The following DPP6 variants were observed in gnomAD, a reference collection of about 807,000 sequenced individuals.
DPP6 encodes the protein dipeptidyl peptidase like 6.
Under a neutral mutation model 122.6 loss-of-function variants are expected in DPP6, and 69 were observed. That is an observed-to-expected ratio of 0.56 (90% CI 0.46 to 0.69). The LOEUF is 0.69. Ranked by LOEUF, DPP6 falls within the 30% of genes least tolerant of loss-of-function variation. The pLI, the probability that DPP6 is intolerant of heterozygous loss-of-function variation, is 0.00. For synonymous variants in DPP6, 418 were observed against 433.1 expected (o/e 0.97, Z 0.43); for missense variants, 928 against 1,116.9 (o/e 0.83, Z 2.41).
Position 154,481,714 on chromosome 7 carries a change from C to T in DPP6, c.457+6677C>T, listed in dbSNP as rs995612808. Among the ~76,000 whole-genome samples, 3 of 152,162 alleles carry T rather than the reference C, an allele frequency of 2.0e-5. No homozygotes were observed. The highest frequency in any genetic ancestry group is 1.3e-4 in the Admixed American group (2 of 15,262). On this transcript the variant is annotated intron_variant, in intron 3 of 25. Coordinates refer to ENST00000377770, the MANE Select transcript of DPP6 (RefSeq NM_130797.4). The surrounding 1 kb of genome is among the most constrained non-coding windows in gnomAD (Gnocchi z 4.2). ...TCCTTCTGTCCAGCCCACTCGCTCTCCTCTCCGCGTCCACTTGTGATCACT... is the reference window on the plus strand; with the variant it reads ...TCCTTCTGTCCAGCCCACTCGCTCTTCTCTCCGCGTCCACTTGTGATCACT...
At chr7:154,122,299 G>A (rs1359067387) in intron 1 of DPP6, among the ~76,000 whole-genome samples, 2 of 152,186 alleles carry the variant, frequency 1.3e-5, no homozygotes, top group Non-Finnish European at 2.9e-5. Flanking sequence ...GGCGGCAGTG[G>A]TGACGTGGAA....
chr7:153,879,164 C>T, the DPP6 span, among the ~76,000 whole-genome samples: 2 of 151,930 alleles, frequency 1.3e-5, no homozygotes, highest in Non-Finnish European at 2.9e-5. Flanking sequence ...GATGAATGCA[C>T]TGGAGAAGGG....
chr7:154,201,191 G>A (rs1394506267), intron 1 of DPP6, among the ~76,000 whole-genome samples: 3 of 150,898 alleles, frequency 2.0e-5, no homozygotes, highest in Admixed American at 1.3e-4. Context: ...GCAGTGGTGC[G>A]ATCTCGGCTA....
chr7:154,061,189 G>A (rs1414440619), intron 1 of DPP6, among the ~76,000 whole-genome samples: 3 of 149,118 alleles, frequency 2.0e-5, no homozygotes, highest in Admixed American at 6.6e-5. Context: ...ATCCCAAACT[G>A]CAGTATTAGC....
In DPP6 at chr7:154,127,703, G is replaced by A. The variant is rs114792058; in HGVS notation, c.243+74640G>A. ...AAACAGCTCTTTCTGAGGTTGGGAA[G>A]GAATCATTCTTTCCAATGGCATCGT... On this transcript the variant is annotated intron_variant, in intron 1 of 25. Transcript: ENST00000377770. Among the ~76,000 whole-genome samples the A allele has an allele frequency of 3.8e-3, 569 of 150,584 alleles. 8 individuals carry two copies. The highest frequency in any genetic ancestry group is 0.013 in the African/African-American group (524 of 40,540).
rs1026499346 is a variant in DPP6 at position 154,504,038 on chromosome 7, G to T, written c.457+29001G>T. On this transcript the variant is annotated intron_variant, in intron 3 of 25. Transcript: ENST00000377770. ...GTATCCTTTTAGCTGAATGATCCCTGCTTGCTAACATTGATGAATTTAGAA... is the reference window on the plus strand; with the variant it reads ...GTATCCTTTTAGCTGAATGATCCCTTCTTGCTAACATTGATGAATTTAGAA... Among the ~76,000 whole-genome samples, 3 of 152,306 alleles carry T rather than the reference G, an allele frequency of 2.0e-5. No individual in the cohort carries two copies. The East Asian group carries it at 5.8e-4, about 29-fold the overall frequency.
chr7:154,794,233 C>A (rs1797868948), intron 11 of DPP6, 31 bp downstream of exon 11: 5 of 1,576,250 alleles, frequency 3.2e-6, no homozygotes, highest in Non-Finnish European at 4.3e-6. Context: ...GGAGGGGAGA[C>A]GGGTGAAGAA....
intron 1 of DPP6, among the ~76,000 whole-genome samples, chr7:153,925,297 C>G (rs2215195): frequency 0.58 from 88,298 of 151,054 alleles, 26,555 homozygotes; most frequent in African/African-American, 0.73. Flanking sequence ...GGAGATCATC[C>G]CGCATGGTGG....
At chr7:154,277,962 ATCAG>A (rs1804248351) in intron 1 of DPP6, among the ~76,000 whole-genome samples, 11 of 152,194 alleles carry the variant, frequency 7.2e-5, no homozygotes, top group African/African-American at 2.4e-5. Context: ...ATGCTGAATA[ATCAG>A]GCAGGTGCAC....
intron 1 of DPP6, among the ~76,000 whole-genome samples, chr7:154,029,022 G>A (rs1040068892): frequency 9.4e-5 from 14 of 149,224 alleles, no homozygotes; most frequent in Non-Finnish European, 1.6e-4. Flanking sequence ...TCCTGCAGGT[G>A]CCTCTGAGAG....
At chr7:154,642,745 A>G (rs11243346) in intron 6 of DPP6, among the ~76,000 whole-genome samples, 35,643 of 152,100 alleles carry the variant, frequency 0.23, 4,293 homozygotes, top group South Asian at 0.29. Context: ...AGCCTGGCCA[A>G]CATGGTGAAA....
At chr7:154,377,953 T>C (rs112448774) in intron 1 of DPP6, among the ~76,000 whole-genome samples, 2 of 152,370 alleles carry the variant, frequency 1.3e-5, no homozygotes, top group African/African-American at 4.8e-5. Context: ...TCAGTTGTTA[T>C]GCAAAGGGGA....
rs192843996 is a variant in DPP6 at position 154,409,776 on chromosome 7, A to G, written c.244-36438A>G. ...GAATGGCATTAAAAAACCAAGACCT[A>G]TGGTACCAGGTTTTGATCCCTGACC... On this transcript the variant is annotated intron_variant, in intron 1 of 25. Coordinates refer to ENST00000377770, the MANE Select transcript of DPP6 (RefSeq NM_130797.4). Among the ~76,000 whole-genome samples, 317 of 152,278 alleles carry G rather than the reference A, an allele frequency of 2.1e-3. 3 individuals are homozygous for G. The highest frequency in any genetic ancestry group is 1.7e-3 in the Non-Finnish European group (117 of 68,010).
In DPP6 at chr7:153,938,719, G is replaced by A. The variant is rs541555604; in HGVS notation, c.51+50985G>A. ...TCCCTGCAACTTCATTTTTAGTTTC[G>A]TATTCCTCAAGACCTATCCCTTAAA... On this transcript the variant is annotated intron_variant, in intron 1 of 25. Transcript: ENST00000404039. Among the ~76,000 whole-genome samples the A allele has an allele frequency of 3.3e-5, 5 of 152,196 alleles. No homozygotes were observed. In the South Asian group the frequency reaches 6.2e-4, roughly 19 times the overall value.
chr7:154,681,155 G>A (rs747609604), intron 7 of DPP6, among the ~76,000 whole-genome samples: 63 of 152,092 alleles, frequency 4.1e-4, no homozygotes, highest in Non-Finnish European at 7.5e-4. Context: ...CAAAATTAAG[G>A]AAAAGGTGGA....
At chr7:154,073,848 T>A (rs1344194089) in intron 1 of DPP6, among the ~76,000 whole-genome samples, 1 of 152,148 alleles carries the variant, frequency 6.6e-6, no homozygotes, top group Non-Finnish European at 1.5e-5. Flanking sequence ...TAGCTGGGTC[T>A]AGTGATGGGT....
Position 154,247,090 on chromosome 7 carries a change from A to C in DPP6, c.243+194027A>C, listed in dbSNP as rs1034161612. Among the ~76,000 whole-genome samples the C allele has an allele frequency of 8.5e-5, 13 of 152,162 alleles. 1 individual carries two copies. Among genetic ancestry groups the C allele is most frequent in the South Asian group, 6.2e-4 (3 of 4,820 alleles). ...CATTTTGGGGGGCCGAGGTCAGCGGATCATTTGAGGTCAGGAGTTTGAGAC... is the reference window on the plus strand; with the variant it reads ...CATTTTGGGGGGCCGAGGTCAGCGGCTCATTTGAGGTCAGGAGTTTGAGAC... On this transcript the variant is annotated intron_variant, in intron 1 of 25. Coordinates refer to ENST00000377770, the MANE Select transcript of DPP6 (RefSeq NM_130797.4).
chr7:154,061,877 A>T (rs1259876273), intron 1 of DPP6, among the ~76,000 whole-genome samples: 1 of 124,582 alleles, frequency 8.0e-6, no homozygotes, highest in Non-Finnish European at 1.7e-5. Flanking sequence ...ACCCCCCGCG[A>T]GGCAGGGACT....
At chr7:154,131,264 G>A (rs1795267544) in intron 1 of DPP6, among the ~76,000 whole-genome samples, 2 of 152,290 alleles carry the variant, frequency 1.3e-5, no homozygotes, top group South Asian at 4.1e-4. Flanking sequence ...TCCCAGAAGG[G>A]GTGTGATATG....
Sources: allele counts gnomAD v4.1 joint callset (sites outside exome capture counted in the v4.1 genomes callset), GRCh38; gene constraint gnomAD v4.1.1; non-coding constraint Gnocchi (gnomAD v3.1); transcripts MANE v1.5; gene names NCBI Gene and HGNC (gene_info 2026-07-23, HGNC 2026-07-21).